NUP93: variants seen among roughly 807,000 people sequenced by gnomAD.
The protein encoded by NUP93 is nuclear pore complex protein Nup93.
NUP93 carries 55 observed loss-of-function variants against 107.8 expected under a neutral mutation model. The ratio of observed to expected loss-of-function variants is 0.51; its 90% confidence interval spans 0.41 to 0.64. The LOEUF (loss-of-function observed/expected upper bound fraction) is 0.64. Among genes scored for constraint, NUP93 ranks in the 30% least tolerant of loss-of-function variants. NUP93 has a pLI of 0.00. For missense variants in NUP93, 937 were observed against 1,044.7 expected, an observed-to-expected ratio of 0.90 and a Z score of 1.42; for synonymous variants, 390 against 397.5, an observed-to-expected ratio of 0.98 and a Z score of 0.22.
chr16:56,810,044 G>A (rs1274772951), intron 5 of NUP93, among the ~76,000 whole-genome samples: 2 of 152,214 alleles, frequency 1.3e-5, no homozygotes, highest in African/African-American at 2.4e-5. Flanking sequence ...ATTATAAATT[G>A]ATAATGGGAT....
At chr16:56,829,208 G>C (rs545004449) in intron 9 of NUP93, 99 bp downstream of exon 9, 3 of 1,394,924 alleles carry the variant, frequency 2.2e-6, no homozygotes, top group African/African-American at 2.9e-5. Context: ...GGAGACTACT[G>C]TGTGGAGATG....
chr16:56,731,313 TC>T (rs1306134805), intron 1 of NUP93, among the ~76,000 whole-genome samples: 9 of 151,986 alleles, frequency 5.9e-5, no homozygotes, highest in South Asian at 2.1e-4. Context: ...TCCTGTTGCC[TC>T]TTTTTTCTCA....
At chr16:56,808,765 CATATATATAAATACATATATAAAT>C (rs1963244406) in intron 5 of NUP93, among the ~76,000 whole-genome samples, 1 of 137,630 alleles carries the variant, frequency 7.3e-6, no homozygotes, top group Non-Finnish European at 1.5e-5. Context: ...TATAAAAATA[CATATATATAAATACATATATAAAT>C]ATGTATATAA....
At chr16:56,740,149 C>CG (rs1961698513) in intron 1 of NUP93, among the ~76,000 whole-genome samples, 1 of 144,158 alleles carries the variant, frequency 6.9e-6, no homozygotes, top group Non-Finnish European at 1.5e-5. Flanking sequence ...CCCTCCCGGA[C>CG]GGGGTGGCTG....
chr16:56,732,892 T>C (rs1451984367), intron 1 of NUP93, among the ~76,000 whole-genome samples: 1 of 152,116 alleles, frequency 6.6e-6, no homozygotes, highest in African/African-American at 2.4e-5. Context: ...CCTTACCCTA[T>C]AGGAAATTTG....
intron 17 of NUP93, among the ~76,000 whole-genome samples, chr16:56,836,956 A>T (rs1311089680): frequency 6.6e-6 from 1 of 152,218 alleles, no homozygotes; most frequent in East Asian, 1.9e-4. Context: ...CAGGCATTGA[A>T]CTGTTGTCTC....
In NUP93 at chr16:56,748,924, C is replaced by T. The variant is rs113791133; in HGVS notation, c.179+498C>T. Among the ~76,000 whole-genome samples the T allele has an allele frequency of 2.8e-3, 425 of 152,192 alleles. 2 individuals carry two copies. The highest frequency in any genetic ancestry group is 9.7e-3 in the African/African-American group (402 of 41,518). On this transcript the variant is annotated intron_variant, in intron 2 of 21. Coordinates refer to ENST00000308159, the MANE Select transcript of NUP93 (RefSeq NM_014669.5). ...ATTCTGTCTGCTTGTTGTCAGTGAC[C>T]CGGGAGGCTGCTTCTGAAAGGCCTT...
chr16:56,777,666 C>G (rs1307541431), intron 3 of NUP93, among the ~76,000 whole-genome samples: 1 of 152,200 alleles, frequency 6.6e-6, no homozygotes, highest in Non-Finnish European at 1.5e-5. Flanking sequence ...GTCAGGCCGT[C>G]TCATTTTCCC....
intron 16 of NUP93, among the ~76,000 whole-genome samples, chr16:56,836,280 A>G (rs1260250072): frequency 6.6e-6 from 1 of 152,148 alleles, no homozygotes; most frequent in Admixed American, 6.5e-5. Context: ...CCTACTTATC[A>G]GCAAATTTAA....
intron 3 of NUP93, among the ~76,000 whole-genome samples, chr16:56,766,005 C>T (rs542282487): frequency 2.4e-5 from 3 of 124,326 alleles, no homozygotes; most frequent in East Asian, 1.9e-4. Context: ...AAAAATGGGT[C>T]GGGGAAAATG....
chr16:56,823,873 T>A (rs762746598), intron 8 of NUP93, 27 bp downstream of exon 8: 2 of 1,607,534 alleles, frequency 1.2e-6, no homozygotes, highest in Non-Finnish European at 1.7e-6. Context: ...ACAGTGGGGC[T>A]GGCTTTCACA....
intron 6 of NUP93, among the ~76,000 whole-genome samples, chr16:56,820,262 T>C (rs1963516192): frequency 1.3e-5 from 2 of 152,238 alleles, no homozygotes; most frequent in Admixed American, 1.3e-4. Context: ...TAAGAAATGC[T>C]CATTGAGTGA....
At chr16:56,753,605 A>C (rs1961963577) in intron 2 of NUP93, among the ~76,000 whole-genome samples, 1 of 152,218 alleles carries the variant, frequency 6.6e-6, no homozygotes, top group Non-Finnish European at 1.5e-5. Flanking sequence ...CAGGTGATTC[A>C]TATGCACTTT....
At chr16:56,806,001 A>G (rs1463986626) in intron 5 of NUP93, among the ~76,000 whole-genome samples, 1 of 150,348 alleles carries the variant, frequency 6.7e-6, no homozygotes, top group Admixed American at 6.7e-5. Context: ...TGCAGCCTTG[A>G]ACCTTAGTGT....
At chr16:56,760,894 G>A (rs1315712540) in intron 3 of NUP93, among the ~76,000 whole-genome samples, 3 of 152,066 alleles carry the variant, frequency 2.0e-5, no homozygotes, top group African/African-American at 7.2e-5. Flanking sequence ...GGTTGAGGCT[G>A]CAGTGAGTCC....
In NUP93 at chr16:56,818,717, C is replaced by T. The variant is rs1223422548; in HGVS notation, c.543C>T (p.Ile181=). The T allele has an allele frequency of 2.5e-6, 4 of 1,613,972 alleles. No homozygotes were observed. The highest frequency in any genetic ancestry group is 1.3e-5 in the African/African-American group (1 of 74,924). Residue 181 remains isoleucine, a synonymous_variant, in exon 6 of 22, where the codon ATC becomes ATT. Coordinates refer to ENST00000308159, the MANE Select transcript of NUP93 (RefSeq NM_014669.5). ...CTGGTCGAAGCTCTCTGGATAACATCGAGATGGCCTATGCGCGGCAAGTGA... is the reference window on the plus strand; with the variant it reads ...CTGGTCGAAGCTCTCTGGATAACATTGAGATGGCCTATGCGCGGCAAGTGA... ...GPPGRSSLDN[I]EMAYARQIYI...
At chr16:56,755,010 A>C (rs1961993404) in intron 2 of NUP93, among the ~76,000 whole-genome samples, 2 of 152,208 alleles carry the variant, frequency 1.3e-5, no homozygotes, top group Non-Finnish European at 2.9e-5. Context: ...ATGTGGGAAA[A>C]ATTGGAATCT....
At chr16:56,776,084 T>C (rs1374345924) in intron 3 of NUP93, among the ~76,000 whole-genome samples, 1 of 151,916 alleles carries the variant, frequency 6.6e-6, no homozygotes, top group Non-Finnish European at 1.5e-5. Context: ...CTTTGAGGAA[T>C]GCTATTTTCA....
intron 3 of NUP93, among the ~76,000 whole-genome samples, chr16:56,784,316 G>C (rs1182668938): frequency 6.6e-6 from 1 of 152,048 alleles, no homozygotes; most frequent in Non-Finnish European, 1.5e-5. Context: ...AAATGCTTCC[G>C]GGTTAATGAC....
Sources: allele counts gnomAD v4.1 joint callset (sites outside exome capture counted in the v4.1 genomes callset), GRCh38; gene constraint gnomAD v4.1.1; transcripts MANE v1.5; gene names NCBI Gene and HGNC (gene_info 2026-07-23, HGNC 2026-07-21).